Variants in ETF1 observed in about 807,000 individuals in gnomAD.
The protein encoded by ETF1 is eukaryotic peptide chain release factor subunit 1.
Under a neutral mutation model 55.1 loss-of-function variants are expected in ETF1, and 4 were observed. That is an observed-to-expected ratio of 0.07 (90% CI 0.04 to 0.17). ETF1 has a LOEUF of 0.17. Among genes scored for constraint, ETF1 ranks in the 10% least tolerant of loss-of-function variants. The pLI, the probability that ETF1 is intolerant of heterozygous loss-of-function variation, is 1.00. For synonymous variants in ETF1, 157 were observed against 182.3 expected (o/e 0.86, Z 1.12); for missense variants, 142 against 523.6 (o/e 0.27, Z 7.11).
chr5:138,527,314 A>G (rs1399821721), intron 2 of ETF1, among the ~76,000 whole-genome samples: 1 of 152,198 alleles, frequency 6.6e-6, no homozygotes, highest in African/African-American at 2.4e-5. Context: ...ATAAATTACA[A>G]GCTAATCAAA....
At chr5:138,514,770 CT>C (rs922068106) in intron 4 of ETF1, among the ~76,000 whole-genome samples, 1 of 151,994 alleles carries the variant, frequency 6.6e-6, no homozygotes, top group African/African-American at 2.4e-5. Flanking sequence ...TGAGGAAAAC[CT>C]TCCTTCTATG....
At chr5:138,511,837 G>A (rs1484020220) in intron 6 of ETF1, 12 of 984,440 alleles carry the variant, frequency 1.2e-5, no homozygotes, top group Non-Finnish European at 1.4e-5. Flanking sequence ...AACTCATTAA[G>A]TGCAAACAAA....
intron 5 of ETF1, chr5:138,513,207 T>G (rs1351271393): frequency 1.0e-6 from 1 of 984,930 alleles, no homozygotes; most frequent in African/African-American, 1.7e-5. Flanking sequence ...TCATCTGGAT[T>G]CACTCCCCTC....
chr5:138,508,804 G>A lies in ETF1; in HGVS notation c.1096C>T (p.His366Tyr). Reference sequence around the variant, plus strand: ...AGGGGCATGCTCTCGATAAGCTCATGTTCCTGTCCGGTCTACAGGGATGAC... The same window carrying A: ...AGGGGCATGCTCTCGATAAGCTCATATTCCTGTCCGGTCTACAGGGATGAC... The part of the protein sequence containing the change: ...HFTDKETGQE[H>Y]ELIESMPLLE... The change falls in exon 10 of 11, where the codon CAT (histidine) becomes TAT (tyrosine). Residue 366 changes from histidine to tyrosine, a missense_variant. His to Tyr is a moderately conservative substitution (Grantham distance 83). Coordinates refer to ENST00000360541, the MANE Select transcript of ETF1 (RefSeq NM_004730.4). 6.2e-7 allele frequency: 1 copy of A among 1,614,078 alleles called. No individual in the cohort carries two copies. The highest frequency in any genetic ancestry group is 8.5e-7 in the Non-Finnish European group (1 of 1,179,968).
intron 2 of ETF1, chr5:138,541,461 C>G: frequency 7.9e-7 from 1 of 1,268,590 alleles, no homozygotes; most frequent in South Asian, 1.3e-5. Context: ...TTTTAGAAGC[C>G]TCATTCCAAA....
rs535900122 is a variant in ETF1, at chr5:138,540,520, TC to T, written c.86+2312del. On this transcript the variant is annotated intron_variant, in intron 2 of 10. Transcript: ENST00000360541. ...TAACACAAGTTGGCAATGAAAATAT[TC>T]CCACCTCCAAAAACTGGTATATACT... 7.5e-3 allele frequency among the ~76,000 whole-genome samples: 1,140 copies of T among 152,300 alleles called. 8 individuals carry two copies. Among genetic ancestry groups the T allele is most frequent in the Non-Finnish European group, 0.013 (880 of 68,018 alleles).
intron 2 of ETF1, among the ~76,000 whole-genome samples, chr5:138,524,390 T>C (rs115555780): frequency 0.012 from 1,786 of 151,514 alleles, 37 homozygotes; most frequent in African/African-American, 0.041. Flanking sequence ...TAGTGAGACC[T>C]GTCTCTACAA....
At chr5:138,529,900 G>A (rs993221752) in intron 2 of ETF1, among the ~76,000 whole-genome samples, 3 of 152,028 alleles carry the variant, frequency 2.0e-5, no homozygotes, top group African/African-American at 4.8e-5. Context: ...GCACCACCAC[G>A]CTCAGCTAAT....
rs58386195 is a variant in ETF1, at chr5:138,512,197, C to CAAAAAAA, written c.732+560_732+566dup. On this transcript the variant is annotated intron_variant, in intron 6 of 10. Coordinates refer to ENST00000360541, the MANE Select transcript of ETF1 (RefSeq NM_004730.4). ...TAGGCAAGATAGCCAGACCCAGTCT[C>CAAAAAAA]AAAAAAAAAAAAAAAAAAAAAAAAA... Among the ~76,000 whole-genome samples the CAAAAAAA allele has an allele frequency of 6.3e-3, 18 of 2,842 alleles. 4 individuals are homozygous for CAAAAAAA. Among genetic ancestry groups the CAAAAAAA allele is most frequent in the Non-Finnish European group, 8.4e-3 (15 of 1,796 alleles). The allele number at this position is 2,842 out of a possible 152,430, so 1.9% of individuals were successfully genotyped here.
intron 5 of ETF1, 85 bp downstream of exon 5, chr5:138,513,483 C>T (rs569704683): frequency 2.0e-5 from 24 of 1,193,176 alleles, no homozygotes; most frequent in East Asian, 9.5e-5. Context: ...GGATTACAGG[C>T]GTGAGCCACC....
chr5:138,529,651 A>T, intron 2 of ETF1: 8 of 985,380 alleles, frequency 8.1e-6, no homozygotes, highest in Non-Finnish European at 9.6e-6. Context: ...CAAAGCTTTC[A>T]TCAATGCTTC....
In ETF1 at chr5:138,543,223, A is replaced by C; in HGVS notation, c.-145T>G. ...GCTGCATGTGTTGCAATCCGCTCAC[A>C]TGGGGCCTGTGACATCACTTCCTCC... On this transcript the variant is annotated 5_prime_UTR_variant, in exon 1 of 11. The change abolishes an upstream ATG in the 5' untranslated region. Coordinates refer to ENST00000360541, the MANE Select transcript of ETF1 (RefSeq NM_004730.4). 4.2e-6 allele frequency: 2 copies of C among 476,824 alleles called. No homozygotes were observed. The highest frequency in any genetic ancestry group is 3.6e-5 in the South Asian group (1 of 27,982). 29.5% of individuals were successfully genotyped at this position (476,824 alleles called of 1,614,324 possible). A position where few individuals can be genotyped will look rare whatever the true frequency, so the allele number is the denominator to read the frequency against.
rs1765870743 is a variant in ETF1 at position 138,535,258 on chromosome 5, C to T, written c.86+7575G>A. On this transcript the variant is annotated intron_variant, in intron 2 of 10. Transcript: ENST00000360541. ...AGCAACCATACCCAGCCAATGTTACCTTTTTTAAAGAAGAAGAAGAAAGCA... is the reference window on the plus strand; with the variant it reads ...AGCAACCATACCCAGCCAATGTTACTTTTTTTAAAGAAGAAGAAGAAAGCA... Among the ~76,000 whole-genome samples, 2 of 151,834 alleles carry T rather than the reference C, an allele frequency of 1.3e-5. 1 individual carries two copies. Among genetic ancestry groups the T allele is most frequent in the Admixed American group, 1.3e-4 (2 of 15,160 alleles).
chr5:138,520,504 A>C (rs1186226719), intron 2 of ETF1, among the ~76,000 whole-genome samples: 1 of 152,178 alleles, frequency 6.6e-6, no homozygotes, highest in Admixed American at 6.5e-5. Context: ...CAGTCAAGAA[A>C]TATCTCATCG....
chr5:138,511,566 G>A lies in ETF1; in HGVS notation c.771C>T (p.Ser257=). Reference sequence around the variant, plus strand: ...GGTTGAATCCATTTTCACCACCATAGGATATATCAACTAATTTTAAAACTT... The same window carrying A: ...GGTTGAATCCATTTTCACCACCATAAGATATATCAACTAATTTTAAAACTT... ...QSKVLKLVDI[S]YGGENGFNQA... is the part of the protein sequence containing the mutation. The change falls in exon 7 of 11, where the codon TCC becomes TCT. Residue 257 remains serine (S), a synonymous_variant. Coordinates refer to ENST00000360541, the MANE Select transcript of ETF1 (RefSeq NM_004730.4). 2 of 1,611,340 alleles carry A rather than the reference G, an allele frequency of 1.2e-6. No individual in the cohort carries two copies. Among genetic ancestry groups the A allele is most frequent in the Non-Finnish European group, 8.5e-7 (1 of 1,178,968 alleles).
At chr5:138,533,806 A>G (rs1167386680) in intron 2 of ETF1, among the ~76,000 whole-genome samples, 2 of 152,214 alleles carry the variant, frequency 1.3e-5, no homozygotes, top group African/African-American at 2.4e-5. Flanking sequence ...CCATCATACT[A>G]TATTAGGCGT....
In ETF1 at chr5:138,514,018, T is replaced by TG. The variant is rs1316429819; in HGVS notation, c.403-313_403-312insC. 14 of 612,194 alleles carry TG rather than the reference T, an allele frequency of 2.3e-5. No individual in the cohort carries two copies. The African/African-American group carries it at 2.4e-4, about 10-fold the overall frequency. 37.9% of individuals were successfully genotyped at this position (612,194 alleles called of 1,614,324 possible). On this transcript the variant is annotated intron_variant, in intron 4 of 10. Transcript: ENST00000360541. The stretch of plus-strand genomic sequence containing the variant: ...TTATAGCAATATTACATACAGCAGT[T>TG]AATACTACTCAATCTCAAAAAGGAA...
intron 2 of ETF1, among the ~76,000 whole-genome samples, chr5:138,526,007 G>A (rs1176836927): frequency 6.6e-6 from 1 of 150,730 alleles, no homozygotes; most frequent in South Asian, 2.1e-4. Flanking sequence ...GATATTTCAC[G>A]AGACTGTAAG....
chr5:138,514,071 G>A (rs1053303917), intron 4 of ETF1: 1 of 201,212 alleles, frequency 5.0e-6, no homozygotes, highest in Admixed American at 6.5e-5. Flanking sequence ...CTACAACAGG[G>A]ATGAAACTTG....
Sources: gnomAD v4.1 joint callset for allele counts (sites outside exome capture counted in the v4.1 genomes callset) on GRCh38, gnomAD v4.1.1 for gene constraint, MANE v1.5 for transcripts, NCBI Gene and HGNC (gene_info 2026-07-23, HGNC 2026-07-21) for gene names.